Variants in MAGI1 observed in about 807,000 individuals in gnomAD.
MAGI1 encodes membrane associated guanylate kinase, WW and PDZ domain containing 1, also known as membrane-associated guanylate kinase, WW and PDZ domain-containing protein 1.
Under a neutral mutation model 139.9 loss-of-function variants are expected in MAGI1, and 58 were observed. The ratio of observed to expected loss-of-function variants is 0.41; its 90% CI spans 0.34 to 0.52. The LOEUF is 0.52. Among genes scored for constraint, MAGI1 ranks in the 20% least tolerant of loss-of-function variants. The probability of loss-of-function intolerance (pLI) is 0.12; values close to 1 mark genes in which losing one functional copy is unlikely to be tolerated. For missense variants in MAGI1, 1,874 were observed against 1,901.6 expected (o/e 0.99, Z 0.27); for synonymous variants, 812 against 737.9 (o/e 1.10, Z -1.63).
chr3:65,425,749 A>G (rs562951764), intron 12 of MAGI1, among the ~76,000 whole-genome samples: 1 of 152,204 alleles, frequency 6.6e-6, no homozygotes, highest in Non-Finnish European at 1.5e-5. Context: ...ATGAAATTAC[A>G]TTTTAAAGAG....
At chr3:65,361,831 C>A (rs572130772) in intron 21 of MAGI1, among the ~76,000 whole-genome samples, 7 of 152,260 alleles carry the variant, frequency 4.6e-5, no homozygotes, top group African/African-American at 1.7e-4. Flanking sequence ...CTCTGGAGTC[C>A]CATGATAATG....
chr3:65,790,936 G>A (rs2039720631), intron 1 of MAGI1, among the ~76,000 whole-genome samples: 1 of 152,078 alleles, frequency 6.6e-6, no homozygotes, highest in South Asian at 2.1e-4. Flanking sequence ...TTACCTGGGT[G>A]TGGTGGCATG....
intron 1 of MAGI1, among the ~76,000 whole-genome samples, chr3:65,742,859 G>A (rs933714436): frequency 1.3e-5 from 2 of 152,180 alleles, no homozygotes; most frequent in African/African-American, 4.8e-5. Flanking sequence ...AGAAGATGCT[G>A]TTAATTGCAG....
At chr3:65,359,064 C>T in intron 22 of MAGI1, 4 of 1,613,216 alleles carry the variant, frequency 2.5e-6, no homozygotes, top group Non-Finnish European at 3.4e-6. Context: ...AGCTACAAAC[C>T]GTAGTTTGAT....
At chr3:65,580,414 C>T (rs565447862) in intron 2 of MAGI1, among the ~76,000 whole-genome samples, 12 of 152,008 alleles carry the variant, frequency 7.9e-5, no homozygotes, top group African/African-American at 2.9e-4. Context: ...ATGACAGCTA[C>T]AGACATCAGA....
At chr3:65,579,644 G>A (rs1376250326) in intron 2 of MAGI1, among the ~76,000 whole-genome samples, 4 of 151,990 alleles carry the variant, frequency 2.6e-5, no homozygotes, top group South Asian at 2.1e-4. Flanking sequence ...TCAGCAGTTC[G>A]AGACCAGCCT....
intron 1 of MAGI1, among the ~76,000 whole-genome samples, chr3:66,002,375 A>C (rs1164052602): frequency 6.6e-6 from 1 of 152,004 alleles, no homozygotes; most frequent in Non-Finnish European, 1.5e-5. Flanking sequence ...TACCATTTCC[A>C]ATTTTATTTG....
chr3:65,812,502 T>C (rs899557099), intron 1 of MAGI1, among the ~76,000 whole-genome samples: 1 of 94,148 alleles, frequency 1.1e-5, no homozygotes, highest in Admixed American at 1.2e-4. Flanking sequence ...TTCTCTATCA[T>C]TTTCTTTTAT....
chr3:66,033,155 G>A (rs574722368), intron 1 of MAGI1, among the ~76,000 whole-genome samples: 86 of 152,008 alleles, frequency 5.7e-4, no homozygotes, highest in African/African-American at 1.9e-3. Context: ...TGCCTCCCGA[G>A]TAGCTGGGAC....
chr3:65,434,733 G>A (rs948921090), intron 10 of MAGI1, among the ~76,000 whole-genome samples: 16 of 152,152 alleles, frequency 1.1e-4, no homozygotes, highest in African/African-American at 3.9e-4. Context: ...GAGCCAAATG[G>A]TATGGATTTT....
chr3:66,007,807 G>A (rs2067107160), intron 1 of MAGI1, among the ~76,000 whole-genome samples: 1 of 151,866 alleles, frequency 6.6e-6, no homozygotes, highest in South Asian at 2.1e-4. Flanking sequence ...CCTTAGGGCA[G>A]AAGAGAAGGA....
Position 65,421,611 on chromosome 3 carries a change from T to C in MAGI1, c.2167+7909A>G, listed in dbSNP as rs922875410. ...TATATAAAAATTTTAGTTGAGTTTT[T>C]CTCGTGTTTTGAGGTTTCTTCCATT... is the stretch of plus-strand genomic sequence containing the variant. On this transcript the variant is annotated intron_variant, in intron 12 of 22. Transcript: ENST00000402939. Among the ~76,000 whole-genome samples, 9 of 152,342 alleles carry C rather than the reference T, an allele frequency of 5.9e-5. No homozygotes were observed. The East Asian group carries it at 1.7e-3, about 29-fold the overall frequency.
At chr3:65,887,476 GT>G (rs1175431172) in intron 1 of MAGI1, among the ~76,000 whole-genome samples, 81 of 150,192 alleles carry the variant, frequency 5.4e-4, no homozygotes, top group African/African-American at 1.8e-3. Flanking sequence ...ATTCTGGGAT[GT>G]AAATTCATAA....
chr3:65,867,891 G>A (rs2059785790), intron 1 of MAGI1, among the ~76,000 whole-genome samples: 3 of 152,118 alleles, frequency 2.0e-5, no homozygotes, highest in Non-Finnish European at 4.4e-5. Context: ...CAGGGTCCAG[G>A]AGTCTGAGGA....
chr3:65,657,852 G>T (rs1424173258), intron 1 of MAGI1, among the ~76,000 whole-genome samples: 3 of 152,144 alleles, frequency 2.0e-5, no homozygotes, highest in African/African-American at 7.2e-5. Context: ...CTACTGAATA[G>T]CCAGATGATA....
intron 1 of MAGI1, among the ~76,000 whole-genome samples, chr3:65,739,790 T>C (rs911757374): frequency 4.6e-5 from 7 of 152,162 alleles, no homozygotes; most frequent in African/African-American, 1.7e-4. Flanking sequence ...CCATCTTATA[T>C]GGGTATAGTT....
At chr3:65,799,449 C>T (rs1299304198) in intron 1 of MAGI1, among the ~76,000 whole-genome samples, 1 of 152,040 alleles carries the variant, frequency 6.6e-6, no homozygotes, top group Non-Finnish European at 1.5e-5. Context: ...AAGCTTGTAC[C>T]GAAAAATACA....
chr3:65,416,195 G>A (rs921496978), intron 12 of MAGI1, among the ~76,000 whole-genome samples: 2 of 152,090 alleles, frequency 1.3e-5, no homozygotes, highest in African/African-American at 4.8e-5. Context: ...ATCATGCCAA[G>A]ACCCCTTTTG....
At chr3:65,809,974 C>CCTCTCTCT (rs146092715) in intron 1 of MAGI1, among the ~76,000 whole-genome samples, 2 of 149,872 alleles carry the variant, frequency 1.3e-5, no homozygotes, top group Non-Finnish European at 3.0e-5. Context: ...TCACATATAT[C>CCTCTCTCT]CTCTCTCTCT....
Sources: allele counts gnomAD v4.1 joint callset (sites outside exome capture counted in the v4.1 genomes callset), GRCh38; gene constraint gnomAD v4.1.1; transcripts MANE v1.5; gene names NCBI Gene and HGNC (gene_info 2026-07-23, HGNC 2026-07-21).